The following LYG2 variants were observed in gnomAD, a reference collection of about 807,000 sequenced individuals.
LYG2 encodes lysozyme g-like protein 2.
LYG2 carries 25 observed loss-of-function variants against 22.4 expected under a neutral mutation model. The observed-to-expected ratio is 1.12, with a 90% CI of 0.81 to 1.56. LYG2 has a LOEUF of 1.56. Among genes scored for constraint, LYG2 ranks in the 40% most tolerant of loss-of-function variants. The probability of loss-of-function intolerance (pLI) is 0.00; values close to 1 mark genes in which losing one functional copy is unlikely to be tolerated. For missense variants in LYG2, 266 were observed against 269.5 expected (o/e 0.99, Z 0.09); for synonymous variants, 88 against 97.0 (o/e 0.91, Z 0.55).
upstream of LYG2, among the ~76,000 whole-genome samples, chr2:99,257,038 T>C (rs2094037595): frequency 6.6e-6 from 1 of 152,198 alleles, no homozygotes; most frequent in Admixed American, 6.5e-5. Flanking sequence ...CCTGTAAGAT[T>C]CCAAAATCCA....
At chr2:99,245,223 G>A (rs372807911) in intron 5 of LYG2, 39 bp downstream of exon 5, 1 of 1,518,928 alleles carries the variant, frequency 6.6e-7, no homozygotes, top group Non-Finnish European at 8.9e-7. Context: ...CTGTGAGGAG[G>A]GATGCAGTGG....
At chr2:99,249,856 C>T (rs2094023097) in intron 3 of LYG2, among the ~76,000 whole-genome samples, 1 of 151,924 alleles carries the variant, frequency 6.6e-6, no homozygotes, top group African/African-American at 2.4e-5. Flanking sequence ...TCTGGACTCT[C>T]CTAACAGCCT....
chr2:99,254,248 C>A lies in LYG2; in HGVS notation c.13G>T (p.Val5Leu), dbSNP rs777896628. The A allele has an allele frequency of 4.3e-6, 7 of 1,613,996 alleles. No individual in the cohort carries two copies. The highest frequency in any genetic ancestry group is 3.3e-5 in the South Asian group (3 of 91,072). MLSS[V>L]VFWGLIALIG... ...AGGGCAATTAGTCCCCAAAACACCACGGAGGATAACATGGCGGGGAATCTT... is the reference window on the plus strand; with the variant it reads ...AGGGCAATTAGTCCCCAAAACACCAAGGAGGATAACATGGCGGGGAATCTT... Residue 5 changes from valine (V) to leucine (L), a missense_variant, in exon 3 of 7, where the codon GTG becomes TTG. By Grantham distance (32) the Val-to-Leu change is conservative. Transcript: ENST00000333017.
upstream of LYG2, among the ~76,000 whole-genome samples, chr2:99,258,845 T>C (rs2094041488): frequency 6.6e-6 from 1 of 152,230 alleles, no homozygotes. Flanking sequence ...GTATGCCCTG[T>C]TGAAGAAGCC....
chr2:99,243,495 TA>T (rs1455350030), intron 6 of LYG2: 2 of 880,094 alleles, frequency 2.3e-6, no homozygotes, highest in East Asian at 3.9e-5. Flanking sequence ...GGCAAACAGA[TA>T]GATAGATAGA....
At chr2:99,254,111 G>A (rs753076926) in intron 3 of LYG2, 107 bp downstream of exon 3, 140 of 967,638 alleles carry the variant, frequency 1.4e-4, no homozygotes, top group Admixed American at 1.4e-4. Context: ...CAGAATGAGA[G>A]CCCACTCTTC....
intron 3 of LYG2, among the ~76,000 whole-genome samples, chr2:99,249,151 T>C (rs2105272789): frequency 6.6e-6 from 1 of 152,324 alleles, no homozygotes; most frequent in East Asian, 1.9e-4. Flanking sequence ...CTGGATGTTG[T>C]GGCTTATGCC....
At chr2:99,259,123 T>C (rs2094042393), upstream of LYG2, among the ~76,000 whole-genome samples, 1 of 152,100 alleles carries the variant, frequency 6.6e-6, no homozygotes, top group African/African-American at 2.4e-5. Flanking sequence ...AATGGTATGA[T>C]TGCTTTGTAG....
At chr2:99,253,027 CGACAGAGCAAGACTCTGTCTCA>C (rs1169029214) in intron 3 of LYG2, among the ~76,000 whole-genome samples, 7 of 126,190 alleles carry the variant, frequency 5.5e-5, no homozygotes, top group African/African-American at 1.8e-4. Context: ...CCAGCCTGGG[CGACAGAGCAAGACTCTGTCTCA>C]AAAAAAAAAA....
upstream of LYG2, among the ~76,000 whole-genome samples, chr2:99,258,211 A>T (rs180876561): frequency 2.6e-5 from 4 of 152,152 alleles, no homozygotes; most frequent in Admixed American, 2.6e-4. Context: ...AACTCATTTA[A>T]CCTCCCTGAG....
chr2:99,250,612 G>A (rs187431809), intron 3 of LYG2, among the ~76,000 whole-genome samples: 1,634 of 152,284 alleles, frequency 0.011, 9 homozygotes, highest in Middle Eastern at 0.024. Context: ...CTGACCTTGT[G>A]ATCCGCCCAC....
At chr2:99,256,497 A>G (rs893853124), upstream of LYG2, among the ~76,000 whole-genome samples, 2 of 152,184 alleles carry the variant, frequency 1.3e-5, no homozygotes, top group Admixed American at 6.5e-5. Context: ...CCCGTGACCC[A>G]CTTCACTGCA....
intron 3 of LYG2, among the ~76,000 whole-genome samples, chr2:99,250,245 A>C (rs958122717): frequency 3.9e-5 from 6 of 152,166 alleles, no homozygotes; most frequent in African/African-American, 1.4e-4. Flanking sequence ...TCACCTTATC[A>C]GCAGAATATA....
chr2:99,243,720 T>G (rs1371256004), intron 6 of LYG2: 4 of 454,492 alleles, frequency 8.8e-6, no homozygotes, highest in Admixed American at 4.2e-5. Flanking sequence ...TTTTTTTTTG[T>G]AGAGACAGGG....
chr2:99,243,395 GTCCCGAAAATACTCACAGAGTAACA>G, intron 6 of LYG2: 1 of 1,546,722 alleles, frequency 6.5e-7, no homozygotes, highest in Non-Finnish European at 8.7e-7. Context: ...AGCACCTGAA[GTCCCGAAAATACTCACAGAGTAACA>G]TTGTTCAGAC....
rs2094032339 is a variant in LYG2 at position 99,254,411 on chromosome 2, G to A, written c.-25-126C>T. The A allele has an allele frequency of 1.1e-5, 5 of 461,184 alleles. No homozygotes were observed. The Admixed American group carries it at 1.9e-4, about 17-fold the overall frequency. 28.6% of individuals were successfully genotyped at this position (461,184 alleles called of 1,614,324 possible). A position where few individuals can be genotyped will look rare whatever the true frequency, so the allele number is the denominator to read the frequency against. On this transcript the variant is annotated intron_variant, in intron 2 of 6. Coordinates refer to ENST00000333017, the MANE Select transcript of LYG2 (RefSeq NM_175735.4). ...TTCACTACTCATTTCCCTGTTTCAA[G>A]ATAGTATTCTCACAGGCTCAGTACA...
At chr2:99,254,466 C>T (rs2094032466) in intron 2 of LYG2, among the ~76,000 whole-genome samples, 181 bp from the exon 3 acceptor site, 1 of 152,146 alleles carries the variant, frequency 6.6e-6, no homozygotes, top group Admixed American at 6.5e-5. Context: ...CTTTCTTAAG[C>T]ATAAACTCCT....
intron 2 of LYG2, among the ~76,000 whole-genome samples, chr2:99,254,559 T>C (rs1424687776): frequency 6.6e-6 from 1 of 152,012 alleles, no homozygotes; most frequent in Non-Finnish European, 1.5e-5. Flanking sequence ...CCATCCCACC[T>C]CTAAGCTTGG....
chr2:99,251,854 T>C (rs1264659147), intron 3 of LYG2, among the ~76,000 whole-genome samples: 2 of 150,974 alleles, frequency 1.3e-5, no homozygotes, highest in African/African-American at 2.4e-5. Flanking sequence ...AATTTTTTTT[T>C]CCAGATGGAG....
Sources: allele counts gnomAD v4.1 joint callset (sites outside exome capture counted in the v4.1 genomes callset), GRCh38; gene constraint gnomAD v4.1.1; transcripts MANE v1.5; gene names NCBI Gene and HGNC (gene_info 2026-07-23, HGNC 2026-07-21).